WWP1: variants seen among roughly 807,000 people sequenced by gnomAD.
The protein encoded by WWP1 is NEDD4-like E3 ubiquitin-protein ligase WWP1.
A neutral mutation model predicts 130.6 loss-of-function variants in WWP1; 49 were observed. The observed-to-expected ratio is 0.38, with a 90% confidence interval of 0.30 to 0.48. The LOEUF (loss-of-function observed/expected upper bound fraction) is 0.48, where lower values mean the gene tolerates loss of function less well. Among genes scored for constraint, WWP1 ranks in the 20% least tolerant of loss-of-function variants. WWP1 has a pLI of 0.99. For missense variants in WWP1, 809 were observed against 1,100.6 expected, an observed-to-expected ratio of 0.74 and a Z score of 3.75; for synonymous variants, 332 against 367.8, an observed-to-expected ratio of 0.90 and a Z score of 1.11.
At chr8:86,447,624 A>G (rs534278045) in intron 18 of WWP1, among the ~76,000 whole-genome samples, 1 of 152,268 alleles carries the variant, frequency 6.6e-6, no homozygotes, top group African/African-American at 2.4e-5. Flanking sequence ...GGGAAGACAT[A>G]ACTTCATGAG....
chr8:86,408,599 T>C (rs1413915671), intron 8 of WWP1, among the ~76,000 whole-genome samples: 1 of 152,226 alleles, frequency 6.6e-6, no homozygotes, highest in African/African-American at 2.4e-5. Context: ...GTATTCATTC[T>C]TTTTAGTAAT....
chr8:86,412,953 C>G (rs1808675154), intron 9 of WWP1, among the ~76,000 whole-genome samples: 1 of 151,974 alleles, frequency 6.6e-6, no homozygotes, highest in East Asian at 1.9e-4. Context: ...CTTAGCCTCC[C>G]AAGTGGCTGG....
At chr8:86,463,244 T>C (rs1201692572) in intron 24 of WWP1, among the ~76,000 whole-genome samples, 4 of 152,198 alleles carry the variant, frequency 2.6e-5, no homozygotes, top group Non-Finnish European at 4.4e-5. Context: ...GTGGTGATAA[T>C]TACCACCATG....
At chr8:86,444,523 A>G (rs1031674256) in intron 18 of WWP1, among the ~76,000 whole-genome samples, 2 of 152,212 alleles carry the variant, frequency 1.3e-5, no homozygotes, top group African/African-American at 2.4e-5. Flanking sequence ...AGTCAGGGAG[A>G]TAAGTAACCA....
chr8:86,406,617 A>G (rs1413523404), intron 8 of WWP1, among the ~76,000 whole-genome samples: 5 of 152,060 alleles, frequency 3.3e-5, no homozygotes, highest in Non-Finnish European at 7.4e-5. Flanking sequence ...CATGAATACA[A>G]CCCATACAGC....
rs1365849837 is a variant in WWP1 at position 86,342,687 on chromosome 8, G to C, written c.-358G>C. The C allele has an allele frequency of 4.3e-5, 14 of 323,298 alleles. No individual in the cohort carries two copies. The South Asian group carries it at 4.4e-4, about 10-fold the overall frequency. The allele number at this position is 323,298 out of a possible 1,614,324, so 20.0% of individuals were successfully genotyped here. ...TCCCGAGGAAGGGAGGTGTGGGGTC[G>C]GCTGGGGGTGGCGCGTGGACGGGGT... On this transcript the variant is annotated 5_prime_UTR_variant, in exon 1 of 25. Transcript: ENST00000517970.
intron 9 of WWP1, among the ~76,000 whole-genome samples, chr8:86,420,491 A>G (rs1172574960): frequency 1.3e-5 from 2 of 152,190 alleles, no homozygotes; most frequent in Non-Finnish European, 2.9e-5. Context: ...TATATTTGGA[A>G]TGGTTGGGAG....
intron 10 of WWP1, among the ~76,000 whole-genome samples, chr8:86,425,582 G>A (rs1338087758): frequency 6.6e-6 from 1 of 152,020 alleles, no homozygotes; most frequent in African/African-American, 2.4e-5. Context: ...ATTTTTTTAA[G>A]GAAAGAAAGG....
At chr8:86,418,328 G>A (rs1428924989) in intron 9 of WWP1, among the ~76,000 whole-genome samples, 10 of 152,036 alleles carry the variant, frequency 6.6e-5, no homozygotes, top group East Asian at 3.9e-4. Context: ...GGTTTGTAGC[G>A]TTTCCTTGTG....
intron 8 of WWP1, among the ~76,000 whole-genome samples, chr8:86,405,683 C>CTAT (rs1480717495): frequency 2.6e-5 from 4 of 152,182 alleles, no homozygotes; most frequent in South Asian, 2.1e-4. Context: ...AGGCATGTGC[C>CTAT]ACCATGCCTG....
intron 1 of WWP1, among the ~76,000 whole-genome samples, chr8:86,354,685 C>T (rs1057182668): frequency 1.3e-5 from 2 of 152,024 alleles, no homozygotes; most frequent in African/African-American, 4.8e-5. Context: ...TACTGTATTC[C>T]TTTCAAGTTC....
chr8:86,418,566 A>C (rs1355141161), intron 9 of WWP1, among the ~76,000 whole-genome samples: 1 of 152,186 alleles, frequency 6.6e-6, no homozygotes, highest in East Asian at 1.9e-4. Context: ...AGCTCAGAAT[A>C]TGCATTGGCA....
At chr8:86,415,975 A>G (rs1808870242) in intron 9 of WWP1, among the ~76,000 whole-genome samples, 1 of 152,226 alleles carries the variant, frequency 6.6e-6, no homozygotes, top group African/African-American at 2.4e-5. Context: ...ACATTAAATG[A>G]TTTAGAATGA....
chr8:86,374,841 T>G (rs1054073572), intron 3 of WWP1, among the ~76,000 whole-genome samples: 11 of 151,980 alleles, frequency 7.2e-5, no homozygotes, highest in African/African-American at 2.7e-4. Context: ...TCCCAAGTAG[T>G]TGGGACTGCA....
At chr8:86,351,772 T>G (rs897607357) in intron 1 of WWP1, among the ~76,000 whole-genome samples, 1 of 152,162 alleles carries the variant, frequency 6.6e-6, no homozygotes, top group African/African-American at 2.4e-5. Context: ...TTAGATGAAA[T>G]ATTGTATTGA....
At chr8:86,445,429 C>A (rs191493990) in intron 18 of WWP1, among the ~76,000 whole-genome samples, 15 of 152,232 alleles carry the variant, frequency 9.9e-5, no homozygotes, top group Admixed American at 5.9e-4. Flanking sequence ...CCCACCTGTA[C>A]GTAAGAACAT....
chr8:86,388,775 ATTTT>A lies in WWP1; in HGVS notation c.334+7147_334+7150del, dbSNP rs1374988785. On this transcript the variant is annotated intron_variant, in intron 5 of 24. Transcript: ENST00000517970. Reference sequence around the variant, plus strand: ...TAGATTATATTAGCCAATAATTCTTATTTTATTTGCCTAAGATTTTAAAAGTTTT... The same window carrying A: ...TAGATTATATTAGCCAATAATTCTTAATTTGCCTAAGATTTTAAAAGTTTT... 2.0e-5 allele frequency among the ~76,000 whole-genome samples: 3 copies of A among 152,132 alleles called. No individual in the cohort carries two copies. In the East Asian group the frequency reaches 5.8e-4, roughly 29 times the overall value.
chr8:86,453,210 C>G (rs1811268253), intron 21 of WWP1, among the ~76,000 whole-genome samples: 1 of 152,148 alleles, frequency 6.6e-6, no homozygotes, highest in South Asian at 2.1e-4. Flanking sequence ...TTTTCCCCAG[C>G]CCCTGGCAAC....
intron 14 of WWP1, 77 bp from the exon 15 acceptor site, chr8:86,435,375 A>G: frequency 1.4e-6 from 2 of 1,467,530 alleles, no homozygotes; most frequent in East Asian, 4.8e-5. Context: ...GGACTTTAGT[A>G]CACTCTGATT....
Sources: allele counts gnomAD v4.1 joint callset (sites outside exome capture counted in the v4.1 genomes callset), GRCh38; gene constraint gnomAD v4.1.1; transcripts MANE v1.5; gene names NCBI Gene and HGNC (gene_info 2026-07-23, HGNC 2026-07-21).